LNPK: variants seen among roughly 807,000 people sequenced by gnomAD.
LNPK encodes endoplasmic reticulum junction formation protein lunapark.
In LNPK, 29 loss-of-function variants were observed where a neutral mutation model predicts 55.2. The observed-to-expected ratio is 0.53, with a 90% CI of 0.39 to 0.72. The LOEUF (loss-of-function observed/expected upper bound fraction) is 0.72, where lower values mean the gene tolerates loss of function less well. Among genes scored for constraint, LNPK ranks in the 30% least tolerant of loss-of-function variants. The pLI is 0.00. For synonymous variants in LNPK, 162 were observed against 168.2 expected (o/e 0.96, Z 0.29); for missense variants, 467 against 494.8 (o/e 0.94, Z 0.53).
At chr2:175,953,435 C>A (rs1343574740) in intron 8 of LNPK, among the ~76,000 whole-genome samples, 1 of 152,048 alleles carries the variant, frequency 6.6e-6, no homozygotes, top group Non-Finnish European at 1.5e-5. Context: ...TTCAACAGAA[C>A]CAAAAGTAAA....
chr2:175,962,497 C>A (rs1290207534), intron 8 of LNPK, among the ~76,000 whole-genome samples: 1 of 152,106 alleles, frequency 6.6e-6, no homozygotes, highest in Non-Finnish European at 1.5e-5. Flanking sequence ...AACTGGCTAG[C>A]CATATGCAGA....
At chr2:175,945,562 T>C (rs1685085670) in intron 9 of LNPK, among the ~76,000 whole-genome samples, 1 of 150,912 alleles carries the variant, frequency 6.6e-6, no homozygotes, top group African/African-American at 2.4e-5. Flanking sequence ...GGTTTACTTG[T>C]GCTAACAACA....
chr2:175,954,399 C>A (rs1294606710), intron 8 of LNPK, among the ~76,000 whole-genome samples: 3 of 152,114 alleles, frequency 2.0e-5, no homozygotes, highest in Non-Finnish European at 4.4e-5. Context: ...ATGTTACATG[C>A]AAGGCAGATA....
intron 9 of LNPK, chr2:175,939,883 T>C: frequency 2.7e-6 from 1 of 364,482 alleles, no homozygotes; most frequent in East Asian, 4.6e-5. Context: ...CCTTTGCTAG[T>C]AGATTCTGTA....
At chr2:175,951,359 T>G (rs1685389043) in intron 8 of LNPK, among the ~76,000 whole-genome samples, 1 of 151,762 alleles carries the variant, frequency 6.6e-6, no homozygotes, top group Admixed American at 6.6e-5. Flanking sequence ...AGTCTTTTAT[T>G]CCCATCCCCT....
At chr2:175,978,485 T>C (rs537529659) in intron 5 of LNPK, among the ~76,000 whole-genome samples, 20 of 152,298 alleles carry the variant, frequency 1.3e-4, no homozygotes, top group Admixed American at 1.1e-3. Flanking sequence ...ACTTTTGATT[T>C]ATTTGGTTGG....
At position 175,929,284 on chromosome 2, in the gene LNPK, C is replaced by T. The variant is rs979118158; in HGVS notation, c.*683G>A. The stretch of plus-strand genomic sequence containing the variant: ...TGTGTAAATATAAACTAATTATATA[C>T]ATAATGTGCCTTTGGCCCAGTTGTA... On this transcript the variant is annotated 3_prime_UTR_variant, in exon 13 of 13. Coordinates refer to ENST00000272748, the MANE Select transcript of LNPK (RefSeq NM_030650.3). 2.1e-6 allele frequency: 2 copies of T among 970,124 alleles called. No individual in the cohort carries two copies. Among genetic ancestry groups the T allele is most frequent in the Non-Finnish European group, 1.2e-6 (1 of 815,720 alleles). The allele number at this position is 970,124 out of a possible 1,614,324, so 60.1% of individuals were successfully genotyped here. A position where few individuals can be genotyped will look rare whatever the true frequency, so the allele number is the denominator to read the frequency against.
intron 8 of LNPK, among the ~76,000 whole-genome samples, chr2:175,954,376 C>T (rs1029396241): frequency 9.9e-5 from 15 of 152,244 alleles, no homozygotes; most frequent in African/African-American, 3.6e-4. Context: ...ATCTTCTTGT[C>T]CATTCTGTAA....
At position 175,970,898 on chromosome 2, in the gene LNPK, C is replaced by A. The variant is rs184429055; in HGVS notation, c.317-94G>T. 7.8e-4 allele frequency: 878 copies of A among 1,131,424 alleles called. 5 individuals carry two copies. In the African/African-American group the frequency reaches 0.013, roughly 16 times the overall value. 70.1% of individuals were successfully genotyped at this position (1,131,424 alleles called of 1,614,324 possible). A position where few individuals can be genotyped will look rare whatever the true frequency, so the allele number is the denominator to read the frequency against. On this transcript the variant is annotated intron_variant, in intron 5 of 12. Coordinates refer to ENST00000272748, the MANE Select transcript of LNPK (RefSeq NM_030650.3). Reference sequence around the variant, plus strand: ...ACGGTAGCAAACACAAGAAAACTTTCTTATTTTAGGATTTTTCAAAATTTA... The same window carrying A: ...ACGGTAGCAAACACAAGAAAACTTTATTATTTTAGGATTTTTCAAAATTTA...
At chr2:175,971,123 A>G (rs1283590348) in intron 5 of LNPK, among the ~76,000 whole-genome samples, 1 of 152,060 alleles carries the variant, frequency 6.6e-6, no homozygotes, top group Non-Finnish European at 1.5e-5. Flanking sequence ...TCCTTTCAAC[A>G]CCTCACCCAC....
chr2:175,940,197 A>G (rs114243529), intron 9 of LNPK, among the ~76,000 whole-genome samples: 18 of 152,080 alleles, frequency 1.2e-4, no homozygotes, highest in East Asian at 3.9e-4. Flanking sequence ...GCCTATAGAG[A>G]GTTTCCACTC....
intron 12 of LNPK, among the ~76,000 whole-genome samples, chr2:175,934,007 C>G (rs940296243): frequency 6.6e-6 from 1 of 152,262 alleles, no homozygotes; most frequent in African/African-American, 2.4e-5. Flanking sequence ...GGATTACAGG[C>G]GTGAGCCACC....
intron 1 of LNPK, among the ~76,000 whole-genome samples, chr2:176,000,935 A>T (rs911458435): frequency 6.6e-6 from 1 of 152,182 alleles, no homozygotes; most frequent in Non-Finnish European, 1.5e-5. Flanking sequence ...TTTCATCTGA[A>T]CTAAATACCA....
At chr2:175,951,675 G>A (rs146635376) in intron 8 of LNPK, among the ~76,000 whole-genome samples, 149 of 148,746 alleles carry the variant, frequency 1.0e-3, no homozygotes, top group African/African-American at 3.3e-3. Flanking sequence ...TTGTGATTGC[G>A]AATTGTGCTG....
At chr2:175,978,589 G>A (rs536817233) in intron 5 of LNPK, among the ~76,000 whole-genome samples, 5 of 152,208 alleles carry the variant, frequency 3.3e-5, no homozygotes, top group Non-Finnish European at 4.4e-5. Context: ...CAAACATCAC[G>A]CTGACAGAGA....
intron 3 of LNPK, 46 bp from the exon 4 acceptor site, chr2:175,992,464 A>G: frequency 1.7e-6 from 2 of 1,187,556 alleles, no homozygotes. Flanking sequence ...CAAACTTCAT[A>G]AAGAAATTAA....
intron 8 of LNPK, among the ~76,000 whole-genome samples, chr2:175,956,573 C>T (rs967240748): frequency 6.6e-6 from 1 of 152,128 alleles, no homozygotes; most frequent in African/African-American, 2.4e-5. Flanking sequence ...GCTCCTGTTG[C>T]ATATTCTTAC....
chr2:175,929,260 G>A lies in LNPK; in HGVS notation c.*707C>T. On this transcript the variant is annotated 3_prime_UTR_variant, in exon 13 of 13. Coordinates refer to ENST00000272748, the MANE Select transcript of LNPK (RefSeq NM_030650.3). ...GCAGAAATATTTCCTATATGCTAGTGTGTAAATATAAACTAATTATATACA... is the reference window on the plus strand; with the variant it reads ...GCAGAAATATTTCCTATATGCTAGTATGTAAATATAAACTAATTATATACA... 1 of 958,772 alleles carries A rather than the reference G, an allele frequency of 1.0e-6. No individual in the cohort carries two copies. The highest frequency in any genetic ancestry group is 1.2e-6 in the Non-Finnish European group (1 of 805,368). The allele number at this position is 958,772 out of a possible 1,614,324, so 59.4% of individuals were successfully genotyped here.
intron 12 of LNPK, among the ~76,000 whole-genome samples, chr2:175,936,180 G>A (rs755277352): frequency 1.3e-4 from 20 of 152,144 alleles, no homozygotes; most frequent in Non-Finnish European, 2.8e-4. Context: ...TGAATGCATT[G>A]ATTCAGTGTT....
Sources: allele counts gnomAD v4.1 joint callset (sites outside exome capture counted in the v4.1 genomes callset), GRCh38; gene constraint gnomAD v4.1.1; transcripts MANE v1.5; gene names NCBI Gene and HGNC (gene_info 2026-07-23, HGNC 2026-07-21).